RC3H1: variants seen among roughly 807,000 people sequenced by gnomAD.
RC3H1 encodes roquin-1.
In RC3H1, 50 loss-of-function variants were observed where a neutral mutation model predicts 138.2. The observed-to-expected ratio is 0.36, with a 90% CI of 0.29 to 0.46. The LOEUF (loss-of-function observed/expected upper bound fraction) is 0.46. RC3H1 is among the 20% of genes least tolerant of loss of function. The probability of loss-of-function intolerance (pLI) is 1.00; values close to 1 mark genes in which losing one functional copy is unlikely to be tolerated. For missense variants in RC3H1, 1,031 were observed against 1,388.1 expected (o/e 0.74, Z 4.09); for synonymous variants, 462 against 489.1 (o/e 0.94, Z 0.73).
At chr1:174,003,385 TCACACACACACACACACA>T (rs3220994) in intron 1 of RC3H1, among the ~76,000 whole-genome samples, 1 of 143,326 alleles carries the variant, frequency 7.0e-6, no homozygotes, top group African/African-American at 2.6e-5. Context: ...AAGACTCCTA[TCACACACACACACACACA>T]CACACACACA....
rs750449977 is a variant in RC3H1, at chr1:173,992,968, T to C, written c.18A>G (p.Pro6=). 4 of 1,613,766 alleles carry C rather than the reference T, an allele frequency of 2.5e-6. No homozygotes were observed. The African/African-American group carries it at 5.3e-5, about 22-fold the overall frequency. The change falls in exon 2 of 20, where the codon CCA becomes CCG. Residue 6 remains proline, a synonymous_variant. Transcript: ENST00000367696. The part of the protein sequence containing the change: MPVQA[P]QWTDFLSCPI... ...GGCAGGAGAGGAAATCCGTCCATTG[T>C]GGAGCTTGTACAGGCATTGCTTCTG...
intron 1 of RC3H1, among the ~76,000 whole-genome samples, chr1:174,014,699 T>A (rs945310448): frequency 6.6e-6 from 1 of 152,176 alleles, no homozygotes; most frequent in Non-Finnish European, 1.5e-5. Flanking sequence ...ACTAAAGATA[T>A]TATTATTTAC....
chr1:174,020,522 C>A (rs1041267395), intron 1 of RC3H1, among the ~76,000 whole-genome samples: 1 of 152,168 alleles, frequency 6.6e-6, no homozygotes, highest in Admixed American at 6.5e-5. Flanking sequence ...CTTTTCAGCA[C>A]AGGTCAGTGC....
At chr1:173,994,370 C>A (rs1300809698) in intron 1 of RC3H1, among the ~76,000 whole-genome samples, 1 of 151,936 alleles carries the variant, frequency 6.6e-6, no homozygotes, top group Non-Finnish European at 1.5e-5. Flanking sequence ...CCTGCCTGGG[C>A]GACACAGTGA....
intron 1 of RC3H1, among the ~76,000 whole-genome samples, chr1:173,999,692 T>C (rs780203148): frequency 1.3e-5 from 2 of 152,250 alleles, no homozygotes; most frequent in Non-Finnish European, 2.9e-5. Flanking sequence ...GTCACTGTGC[T>C]AGGTGTTTTC....
At chr1:174,018,033 T>C (rs1044103671) in intron 1 of RC3H1, among the ~76,000 whole-genome samples, 1 of 151,836 alleles carries the variant, frequency 6.6e-6, no homozygotes, top group African/African-American at 2.4e-5. Context: ...CACAGCAAAA[T>C]GCTATCTCTA....
At position 173,975,394 on chromosome 1, in the gene RC3H1, G is replaced by A. The variant is rs563218206; in HGVS notation, c.1103-2767C>T. On this transcript the variant is annotated intron_variant, in intron 7 of 19. Transcript: ENST00000367696. ...CAGGCGTGAGCCACTGCACCCGGCC[G>A]AGAAAGCAGTTTTATATACAAGTTC... Among the ~76,000 whole-genome samples, 6 of 152,022 alleles carry A rather than the reference G, an allele frequency of 3.9e-5. 1 individual carries two copies. Among genetic ancestry groups the A allele is most frequent in the East Asian group, 1.9e-4 (1 of 5,160 alleles).
At chr1:173,985,999 T>A (rs1661010806) in intron 2 of RC3H1, among the ~76,000 whole-genome samples, 1 of 152,216 alleles carries the variant, frequency 6.6e-6, no homozygotes, top group Admixed American at 6.5e-5. Context: ...ATTCTCATTA[T>A]CCTGTATTCA....
intron 13 of RC3H1, among the ~76,000 whole-genome samples, chr1:173,953,952 T>C (rs1659526374): frequency 6.6e-6 from 1 of 151,818 alleles, no homozygotes; most frequent in South Asian, 2.1e-4. Flanking sequence ...GGCAGGAAAA[T>C]TGCTTGAACC....
chr1:173,963,961 T>C lies in RC3H1; in HGVS notation c.1831+12A>G, dbSNP rs759931451. The C allele has an allele frequency of 8.7e-6, 14 of 1,611,362 alleles. No individual in the cohort carries two copies. The highest frequency in any genetic ancestry group is 2.2e-5 in the East Asian group (1 of 44,862). On this transcript the variant is annotated intron_variant, in intron 11 of 19. Coordinates refer to ENST00000367696, the MANE Select transcript of RC3H1 (RefSeq NM_172071.4). Reference sequence around the variant, plus strand: ...CTAAGAAAAGTTAGCAATATAAATTTAAAATCGTTACCCTGCTGATAAGGT... The same window carrying C: ...CTAAGAAAAGTTAGCAATATAAATTCAAAATCGTTACCCTGCTGATAAGGT...
At chr1:173,960,953 T>C in intron 13 of RC3H1, 124 bp downstream of exon 13, 1 of 888,634 alleles carries the variant, frequency 1.1e-6, no homozygotes, top group South Asian at 1.8e-5. Flanking sequence ...AGTTAAATGA[T>C]AAAAAACCTT....
intron 13 of RC3H1, among the ~76,000 whole-genome samples, chr1:173,954,260 C>T (rs906099906): frequency 6.6e-6 from 1 of 152,054 alleles, no homozygotes; most frequent in East Asian, 1.9e-4. Flanking sequence ...AAAATAAATC[C>T]TGTCATTTGC....
intron 1 of RC3H1, among the ~76,000 whole-genome samples, chr1:174,003,211 A>ACCC (rs1236011797): frequency 6.6e-6 from 1 of 151,984 alleles, no homozygotes; most frequent in African/African-American, 2.4e-5. Context: ...ACGTGGTGAA[A>ACCC]CCCCGTCTCT....
intron 5 of RC3H1, among the ~76,000 whole-genome samples, chr1:173,981,840 C>A (rs549424040): frequency 2.1e-4 from 32 of 151,918 alleles, no homozygotes; most frequent in Admixed American, 3.9e-4. Flanking sequence ...GCAGAGGATG[C>A]AGTGAGCCAA....
At chr1:173,971,997 T>A (rs147726622) in intron 8 of RC3H1, among the ~76,000 whole-genome samples, 1 of 152,122 alleles carries the variant, frequency 6.6e-6, no homozygotes, top group South Asian at 2.1e-4. Context: ...TATTCTACCA[T>A]CGTATTTTCA....
intron 7 of RC3H1, among the ~76,000 whole-genome samples, chr1:173,977,556 C>G (rs1660639963): frequency 6.6e-6 from 1 of 152,126 alleles, no homozygotes; most frequent in African/African-American, 2.4e-5. Context: ...ACTCAGAGGA[C>G]ACGATGGGGA....
At position 173,938,403 on chromosome 1, in the gene RC3H1, C is replaced by CTT; in HGVS notation, c.*316_*317dup. 2 of 173,860 alleles carry CTT rather than the reference C, an allele frequency of 1.2e-5. No individual in the cohort carries two copies. Among genetic ancestry groups the CTT allele is most frequent in the East Asian group, 1.5e-4 (1 of 6,588 alleles). 10.8% of individuals were successfully genotyped at this position (173,860 alleles called of 1,614,324 possible). A position where few individuals can be genotyped will look rare whatever the true frequency, so the allele number is the denominator to read the frequency against. ...ATCAAACAGAGTGTATATATAATAT[C>CTT]TTTTTTTTTTAAAGCCCTGGATCCA... On this transcript the variant is annotated 3_prime_UTR_variant, in exon 20 of 20. Transcript: ENST00000367696.
chr1:173,950,442 G>C, intron 14 of RC3H1, among the ~76,000 whole-genome samples: 2 of 96,740 alleles, frequency 2.1e-5, no homozygotes, highest in Non-Finnish European at 3.8e-5. Flanking sequence ...AAAAAAAAAA[G>C]AGCTGAGCAT....
chr1:174,003,862 C>T (rs968189430), intron 1 of RC3H1, among the ~76,000 whole-genome samples: 2 of 151,496 alleles, frequency 1.3e-5, no homozygotes, highest in Non-Finnish European at 2.9e-5. Context: ...GGGGTTTCAC[C>T]GTGTTAGCCA....
Sources: allele counts gnomAD v4.1 joint callset (sites outside exome capture counted in the v4.1 genomes callset), GRCh38; gene constraint gnomAD v4.1.1; transcripts MANE v1.5; gene names NCBI Gene and HGNC (gene_info 2026-07-23, HGNC 2026-07-21).